BICRAL: variants seen among roughly 807,000 people sequenced by gnomAD.
BICRAL encodes BICRA like chromatin remodeling complex associated protein.
In BICRAL, 8 loss-of-function variants were observed where a neutral mutation model predicts 91.8. The observed-to-expected ratio is 0.09, with a 90% CI of 0.05 to 0.16. The LOEUF is 0.16. Ranked by LOEUF, BICRAL falls within the 10% of genes least tolerant of loss-of-function variation. BICRAL has a pLI of 1.00. For synonymous variants in BICRAL, 445 were observed against 491.1 expected (o/e 0.91, Z 1.24); for missense variants, 1,038 against 1,310.9 (o/e 0.79, Z 3.21).
chr6:42,810,036 C>G (rs971591056), intron 1 of BICRAL, among the ~76,000 whole-genome samples: 4 of 152,208 alleles, frequency 2.6e-5, no homozygotes, highest in Non-Finnish European at 5.9e-5. Flanking sequence ...ATCCACCCAC[C>G]TCAGCCTCCC....
intron 1 of BICRAL, among the ~76,000 whole-genome samples, chr6:42,770,667 C>G (rs1306954436): frequency 6.6e-6 from 1 of 151,706 alleles, no homozygotes; most frequent in Non-Finnish European, 1.5e-5. Flanking sequence ...CCACCCGCCT[C>G]GGCCTCCCAA....
chr6:42,809,159 A>T (rs903889558), intron 1 of BICRAL, among the ~76,000 whole-genome samples: 4 of 149,798 alleles, frequency 2.7e-5, no homozygotes, highest in Admixed American at 2.0e-4. Flanking sequence ...TCATTGTTCA[A>T]CTACCACTTA....
At chr6:42,852,228 T>TC (rs761467650) in intron 7 of BICRAL, 31 bp downstream of exon 7, 25 of 1,254,242 alleles carry the variant, frequency 2.0e-5, no homozygotes, top group Non-Finnish European at 2.8e-5. Flanking sequence ...GTCCCTGTCC[T>TC]CCCAACACCA....
At chr6:42,846,220 CA>C (rs2114000373) in intron 6 of BICRAL, among the ~76,000 whole-genome samples, 1 of 150,396 alleles carries the variant, frequency 6.6e-6, no homozygotes, top group South Asian at 2.1e-4. Context: ...ACTAAAAATA[CA>C]AAAATTAGCC....
At chr6:42,768,364 A>C (rs1287330631) in intron 1 of BICRAL, among the ~76,000 whole-genome samples, 1 of 152,160 alleles carries the variant, frequency 6.6e-6, no homozygotes. Context: ...AGGACCTTTT[A>C]CCCCATCGAT....
chr6:42,811,058 G>A (rs1056308598), intron 2 of BICRAL, among the ~76,000 whole-genome samples: 1 of 152,068 alleles, frequency 6.6e-6, no homozygotes. Context: ...AATGACTATG[G>A]GGCCAAAATC....
rs140608307 is a variant in BICRAL at position 42,865,092 on chromosome 6, G to A, written c.2886G>A (p.Ser962=). The change falls in exon 13 of 13, where the codon TCG becomes TCA. Residue 962 remains serine, a synonymous_variant. Transcript: ENST00000314073. ...AACTGTCAAGCATCCTAGCAGATTC[G>A]CACTTGGAGATGACGTGTAACAATT... is the stretch of plus-strand genomic sequence containing the variant. ...ESKLSSILAD[S]HLEMTCNNSF... The A allele has an allele frequency of 1.1e-4, 178 of 1,613,986 alleles. No individual in the cohort carries two copies. The highest frequency in any genetic ancestry group is 1.4e-4 in the Non-Finnish European group (170 of 1,179,990).
intron 1 of BICRAL, among the ~76,000 whole-genome samples, chr6:42,766,694 C>T (rs1016085987): frequency 5.9e-5 from 9 of 151,958 alleles, no homozygotes; most frequent in African/African-American, 2.2e-4. Context: ...CAAAAATTAG[C>T]TGGGTGTGGT....
chr6:42,767,845 C>A (rs566836733), intron 1 of BICRAL, among the ~76,000 whole-genome samples: 1 of 152,128 alleles, frequency 6.6e-6, no homozygotes, highest in African/African-American at 2.4e-5. Context: ...AGGAAAGGAA[C>A]ACCAGGCAAC....
At chr6:42,791,103 G>A (rs1582820886) in intron 1 of BICRAL, among the ~76,000 whole-genome samples, 1 of 152,138 alleles carries the variant, frequency 6.6e-6, no homozygotes, top group African/African-American at 2.4e-5. Flanking sequence ...TGTGTGGGAA[G>A]GTGGAGGATG....
At chr6:42,784,356 A>T (rs963926290) in intron 1 of BICRAL, among the ~76,000 whole-genome samples, 5 of 152,210 alleles carry the variant, frequency 3.3e-5, no homozygotes, top group Admixed American at 3.3e-4. Flanking sequence ...GGAAAGGTCT[A>T]TAAAGCTCTG....
At chr6:42,864,337 C>T (rs1297942940) in intron 12 of BICRAL, among the ~76,000 whole-genome samples, 4 of 152,116 alleles carry the variant, frequency 2.6e-5, no homozygotes, top group Non-Finnish European at 5.9e-5. Context: ...AAGACTCCAT[C>T]TCAAAAAAAA....
intron 2 of BICRAL, among the ~76,000 whole-genome samples, chr6:42,814,997 A>C (rs1163423242): frequency 6.8e-6 from 1 of 147,992 alleles, no homozygotes; most frequent in Non-Finnish European, 1.5e-5. Context: ...TGCAACTTCC[A>C]CCTCCTGGTT....
At chr6:42,820,986 T>G (rs1333819562) in intron 2 of BICRAL, 4 of 152,240 alleles carry the variant, frequency 2.6e-5, no homozygotes, top group Admixed American at 2.6e-4. Context: ...GGAGAAGAGA[T>G]GCAGTTTTAA....
chr6:42,814,499 G>GTGTGTA (rs374054837), intron 2 of BICRAL, among the ~76,000 whole-genome samples: 6 of 61,276 alleles, frequency 9.8e-5, no homozygotes, highest in African/African-American at 4.0e-4. Flanking sequence ...GTGTGTGTGT[G>GTGTGTA]TATATATATA....
chr6:42,848,913 G>T (rs1562493065), intron 6 of BICRAL, among the ~76,000 whole-genome samples: 2 of 152,156 alleles, frequency 1.3e-5, no homozygotes, highest in South Asian at 4.1e-4. Flanking sequence ...CTGTCCAGGT[G>T]TCCACCATAT....
intron 1 of BICRAL, among the ~76,000 whole-genome samples, chr6:42,747,883 C>G (rs1762309348): frequency 2.0e-5 from 3 of 150,672 alleles, no homozygotes; most frequent in Non-Finnish European, 3.0e-5. Flanking sequence ...CTCGGCTCAC[C>G]GCTATCCGCC....
intron 12 of BICRAL, among the ~76,000 whole-genome samples, chr6:42,864,392 A>G (rs1268536825): frequency 6.6e-6 from 1 of 152,144 alleles, no homozygotes; most frequent in Non-Finnish European, 1.5e-5. Flanking sequence ...CTTTTTGCCC[A>G]TCACATTTTC....
intron 1 of BICRAL, among the ~76,000 whole-genome samples, chr6:42,774,189 A>G (rs1053746881): frequency 1.3e-5 from 2 of 152,160 alleles, no homozygotes; most frequent in Non-Finnish European, 2.9e-5. Flanking sequence ...GAGGTCAGAG[A>G]GACCTTGAGG....
Sources: allele counts gnomAD v4.1 joint callset (sites outside exome capture counted in the v4.1 genomes callset), GRCh38; gene constraint gnomAD v4.1.1; transcripts MANE v1.5; gene names NCBI Gene and HGNC (gene_info 2026-07-23, HGNC 2026-07-21).